Variants in PHC2 observed in about 807,000 individuals in gnomAD.
PHC2 encodes polyhomeotic-like protein 2.
A neutral mutation model predicts 87.4 loss-of-function variants in PHC2; 29 were observed. The observed-to-expected ratio is 0.33, with a 90% CI of 0.25 to 0.45. The LOEUF is 0.45. Ranked by LOEUF, PHC2 falls within the 20% of genes least tolerant of loss-of-function variation. The pLI is 1.00. For synonymous variants in PHC2, 438 were observed against 461.7 expected (o/e 0.95, Z 0.66); for missense variants, 857 against 1,136.7 (o/e 0.75, Z 3.54).
Position 33,370,507 on chromosome 1 carries a change from T to C in PHC2, c.490A>G (p.Ile164Val). ...QSVNSAAASG[I>V]AQQAVLLGNT... ...CCCAAGAGCACAGCCTGCTGAGCGA[T>C]GCCTGAGGCTGCTGCAGAGTTCACA... The change falls in exon 5 of 15, where the codon ATC becomes GTC. Residue 164 changes from isoleucine (I) to valine (V), a missense_variant. Transcript: ENST00000683057. 6.2e-7 allele frequency: 1 copy of C among 1,614,122 alleles called. No homozygotes were observed. Among genetic ancestry groups the C allele is most frequent in the Non-Finnish European group, 8.5e-7 (1 of 1,179,980 alleles).
At chr1:33,358,634 C>T (rs1335251731) in intron 7 of PHC2, among the ~76,000 whole-genome samples, 1 of 152,178 alleles carries the variant, frequency 6.6e-6, no homozygotes, top group East Asian at 1.9e-4. Context: ...CAGATCTGAT[C>T]TCTCACTAAA....
At chr1:33,386,781 T>TGCGCACACACATCACAGTGTGC (rs1289639301) in intron 1 of PHC2, among the ~76,000 whole-genome samples, 4 of 151,952 alleles carry the variant, frequency 2.6e-5, no homozygotes, top group Non-Finnish European at 5.9e-5. Flanking sequence ...CAGCACACAG[T>TGCGCACACACATCACAGTGTGC]GCGCACACAC....
chr1:33,408,189 A>G (rs1241656492), intron 1 of PHC2, among the ~76,000 whole-genome samples: 1 of 152,236 alleles, frequency 6.6e-6, no homozygotes, highest in Non-Finnish European at 1.5e-5. Flanking sequence ...TTTCTGGATT[A>G]AGTGTGATGG....
chr1:33,381,441 A>C (rs1335658303), intron 1 of PHC2, among the ~76,000 whole-genome samples: 1 of 152,046 alleles, frequency 6.6e-6, no homozygotes, highest in East Asian at 1.9e-4. Flanking sequence ...ACCTTCCATC[A>C]ATGGTGTCTA....
intron 9 of PHC2, chr1:33,350,302 T>C (rs1203371696): frequency 6.6e-6 from 1 of 152,208 alleles, no homozygotes; most frequent in East Asian, 1.9e-4. Context: ...GTCATTCTCC[T>C]TCCCACTGGG....
chr1:33,349,367 G>A lies in PHC2; in HGVS notation c.1558+5034C>T, dbSNP rs1297872776. 2 of 985,306 alleles carry A rather than the reference G, an allele frequency of 2.0e-6. No homozygotes were observed. The highest frequency in any genetic ancestry group is 1.7e-5 in the African/African-American group (1 of 57,240). The allele number at this position is 985,306 out of a possible 1,614,324, so 61.0% of individuals were successfully genotyped here. On this transcript the variant is annotated intron_variant, in intron 9 of 14. Coordinates refer to ENST00000683057, the MANE Select transcript of PHC2 (RefSeq NM_001385109.1). The surrounding 1 kb of genome is among the most constrained non-coding windows in gnomAD (Gnocchi z 4.2). ...GACGCGGAAGCTGCGGCGCGCCGAG[G>A]TGACACGGCTTCCAGGGGCGACGGG...
intron 1 of PHC2, among the ~76,000 whole-genome samples, chr1:33,377,106 C>T (rs1046576721): frequency 6.6e-6 from 1 of 152,216 alleles, no homozygotes; most frequent in Non-Finnish European, 1.5e-5. Context: ...AAAGACTTGG[C>T]TTTGTCCTGG....
At chr1:33,386,998 A>G (rs1458700773) in intron 1 of PHC2, among the ~76,000 whole-genome samples, 2 of 152,232 alleles carry the variant, frequency 1.3e-5, no homozygotes, top group Non-Finnish European at 2.9e-5. Context: ...TGCCGCTGCT[A>G]TGTCCTGACA....
At position 33,364,611 on chromosome 1, in the gene PHC2, G is replaced by T. The variant is rs951402221; in HGVS notation, c.976+2505C>A. Among the ~76,000 whole-genome samples, 1 of 152,200 alleles carries T rather than the reference G, an allele frequency of 6.6e-6. No individual in the cohort carries two copies. The highest frequency in any genetic ancestry group is 6.5e-5 in the Admixed American group (1 of 15,280). The stretch of plus-strand genomic sequence containing the variant: ...TCTTTTTGTCCAGAGGCCCTGAGAG[G>T]ACCTTCCCCTACTAAAACTCCCCAG... On this transcript the variant is annotated intron_variant, in intron 7 of 14. Coordinates refer to ENST00000683057, the MANE Select transcript of PHC2 (RefSeq NM_001385109.1). The surrounding 1 kb of genome is among the most constrained non-coding windows in gnomAD (Gnocchi z 4.1).
chr1:33,370,665 C>T (rs1428267015), intron 4 of PHC2, 80 bp from the exon 5 acceptor site: 2 of 1,363,180 alleles, frequency 1.5e-6, no homozygotes, highest in Admixed American at 2.1e-5. Context: ...TCTTTCTCCC[C>T]CCTCTTTTGC....
intron 1 of PHC2, among the ~76,000 whole-genome samples, chr1:33,388,866 GA>G (rs2148358061): frequency 6.6e-6 from 1 of 152,206 alleles, no homozygotes; most frequent in Admixed American, 6.5e-5. Context: ...GCATAAATCA[GA>G]ATAGTCTGAA....
chr1:33,331,325 T>A lies in PHC2; in HGVS notation c.2006+23A>T. The A allele has an allele frequency of 7.7e-7, 1 of 1,301,342 alleles. No homozygotes were observed. The highest frequency in any genetic ancestry group is 1.1e-6 in the Non-Finnish European group (1 of 898,656). The allele number at this position is 1,301,342 out of a possible 1,614,324, so 80.6% of individuals were successfully genotyped here. A position where few individuals can be genotyped will look rare whatever the true frequency, so the allele number is the denominator to read the frequency against. On this transcript the variant is annotated intron_variant, in intron 12 of 14. Coordinates refer to ENST00000683057, the MANE Select transcript of PHC2 (RefSeq NM_001385109.1). This position sits in a 1 kb window ranked among gnomAD's most constrained non-coding sequence, Gnocchi z 5.2. ...GACATAAAGTGCAGTCCTGGGGAAA[T>A]GGAGGGGGCTGGGGCCACTCACCTC...
rs1165215087 is a variant in PHC2 at position 33,331,106 on chromosome 1, G to A, written c.2006+242C>T. ...ATGGGTGCCAGTGGAGCCCAGGAGG[G>A]CCAGCCGAGCCAAAGCACTGCGGCT... On this transcript the variant is annotated intron_variant, in intron 12 of 14. Coordinates refer to ENST00000683057, the MANE Select transcript of PHC2 (RefSeq NM_001385109.1). The surrounding 1 kb of genome is among the most constrained non-coding windows in gnomAD (Gnocchi z 5.2). 2.0e-5 allele frequency among the ~76,000 whole-genome samples: 3 copies of A among 152,172 alleles called. No homozygotes were observed. Among genetic ancestry groups the A allele is most frequent in the Non-Finnish European group, 4.4e-5 (3 of 68,030 alleles).
chr1:33,342,232 G>C (rs2148238105), intron 9 of PHC2, among the ~76,000 whole-genome samples: 1 of 152,352 alleles, frequency 6.6e-6, no homozygotes, highest in Admixed American at 6.5e-5. Context: ...TGCTCTTGCT[G>C]GGTCTGGGTT....
At chr1:33,426,290 G>C (rs1171424904) in intron 1 of PHC2, among the ~76,000 whole-genome samples, 1 of 151,170 alleles carries the variant, frequency 6.6e-6, no homozygotes, top group East Asian at 2.0e-4. Context: ...CCAGACAATG[G>C]TGGCAACCAG....
chr1:33,365,579 T>C (rs1249374864), intron 7 of PHC2, among the ~76,000 whole-genome samples: 3 of 152,194 alleles, frequency 2.0e-5, no homozygotes, highest in African/African-American at 7.2e-5. Flanking sequence ...GAGCCCCCAG[T>C]CTACCCTTCT....
Position 33,332,259 on chromosome 1 carries a change from G to T in PHC2, c.1891+16C>A, listed in dbSNP as rs768658470. 6.2e-7 allele frequency: 1 copy of T among 1,613,966 alleles called. No homozygotes were observed. ...CACGCTGGGAGGCCGAGAGATTCAG[G>T]GTCTGAGATGCCCACCTTGCAGATA... On this transcript the variant is annotated intron_variant, in intron 11 of 14. Transcript: ENST00000683057. The surrounding 1 kb of genome is among the most constrained non-coding windows in gnomAD (Gnocchi z 4.2).
chr1:33,332,563 C>G lies in PHC2; in HGVS notation c.1762-159G>C, dbSNP rs1646525852. On this transcript the variant is annotated intron_variant, in intron 10 of 14. Transcript: ENST00000683057. The surrounding 1 kb of genome is among the most constrained non-coding windows in gnomAD (Gnocchi z 4.2). ...TCATCCAAGTGTGCTGGGCTCAAGG[C>G]CCTATTTTGCTGGTTGGCTCACGAG... is the stretch of plus-strand genomic sequence containing the variant. The G allele has an allele frequency of 1.2e-6, 1 of 869,368 alleles. No homozygotes were observed. The highest frequency in any genetic ancestry group is 2.3e-5 in the Admixed American group (1 of 43,452). 53.9% of individuals were successfully genotyped at this position (869,368 alleles called of 1,614,324 possible).
At chr1:33,402,499 C>T (rs775865875) in intron 1 of PHC2, among the ~76,000 whole-genome samples, 9 of 152,094 alleles carry the variant, frequency 5.9e-5, no homozygotes, top group Middle Eastern at 3.4e-3. Flanking sequence ...ATGATGTTCA[C>T]GGTGGAATTG....
Sources: gnomAD v4.1 joint callset for allele counts (sites outside exome capture counted in the v4.1 genomes callset) on GRCh38, gnomAD v4.1.1 for gene constraint, Gnocchi (gnomAD v3.1) non-coding constraint, MANE v1.5 for transcripts, NCBI Gene and HGNC (gene_info 2026-07-23, HGNC 2026-07-21) for gene names.